Variants in HECW2 observed in about 807,000 individuals in gnomAD.
HECW2 encodes E3 ubiquitin-protein ligase HECW2.
A neutral mutation model predicts 175.2 loss-of-function variants in HECW2; 61 were observed. The ratio of observed to expected loss-of-function variants is 0.35; its 90% CI spans 0.28 to 0.43. HECW2 has a LOEUF of 0.43. Ranked by LOEUF, HECW2 falls within the 20% of genes least tolerant of loss-of-function variation. HECW2 has a pLI of 1.00. For missense variants in HECW2, 1,524 were observed against 2,000.5 expected, an observed-to-expected ratio of 0.76 and a Z score of 4.54; for synonymous variants, 671 against 731.0, an observed-to-expected ratio of 0.92 and a Z score of 1.32.
chr2:196,364,630 T>C (rs1693693959), intron 2 of HECW2, among the ~76,000 whole-genome samples: 2 of 152,202 alleles, frequency 1.3e-5, no homozygotes, highest in African/African-American at 4.8e-5. Flanking sequence ...CAAAACACTC[T>C]TATGTTTTTA....
intron 1 of HECW2, among the ~76,000 whole-genome samples, chr2:196,459,201 G>A (rs1696638632): frequency 6.6e-6 from 1 of 152,210 alleles, no homozygotes; most frequent in Non-Finnish European, 1.5e-5. Flanking sequence ...GATTAGACAG[G>A]GAAGGCATCT....
At chr2:196,468,765 G>A (rs939320398) in intron 1 of HECW2, among the ~76,000 whole-genome samples, 1 of 152,148 alleles carries the variant, frequency 6.6e-6, no homozygotes, top group Admixed American at 6.5e-5. Flanking sequence ...CTGTAAGAAG[G>A]GACTTGGACT....
At chr2:196,549,026 C>G (rs141478256) in intron 1 of HECW2, among the ~76,000 whole-genome samples, 94 of 152,292 alleles carry the variant, frequency 6.2e-4, no homozygotes, top group Non-Finnish European at 1.0e-3. Flanking sequence ...GGCACTTCAA[C>G]ACATGAACTT....
intron 1 of HECW2, among the ~76,000 whole-genome samples, chr2:196,519,312 G>C (rs1438233871): frequency 6.6e-6 from 1 of 152,130 alleles, no homozygotes; most frequent in Non-Finnish European, 1.5e-5. Flanking sequence ...CAGAAGAGCA[G>C]ACATGCAAAG....
chr2:196,523,958 C>G (rs1428824229), intron 1 of HECW2, among the ~76,000 whole-genome samples: 8 of 151,982 alleles, frequency 5.3e-5, no homozygotes, highest in Non-Finnish European at 7.4e-5. Context: ...GTGTCTCTGC[C>G]CGGCTTTGGT....
rs947462437 is a variant in HECW2 at position 196,221,791 on chromosome 2, C to T, written c.4146+420G>A. Among the ~76,000 whole-genome samples the T allele has an allele frequency of 5.3e-5, 8 of 152,284 alleles. No homozygotes were observed. The East Asian group carries it at 5.8e-4, about 11-fold the overall frequency. Reference sequence around the variant, plus strand: ...CCTAGGCTGGTCCTGAACTTCTAGGCTCAACTGATCCTCCTGCCTTGGCCT... The same window carrying T: ...CCTAGGCTGGTCCTGAACTTCTAGGTTCAACTGATCCTCCTGCCTTGGCCT... On this transcript the variant is annotated intron_variant, in intron 24 of 28. Transcript: ENST00000644978.
chr2:196,266,756 T>G (rs1419877764), intron 17 of HECW2, among the ~76,000 whole-genome samples: 1 of 152,208 alleles, frequency 6.6e-6, no homozygotes. Flanking sequence ...TTTAACTTTT[T>G]ATTAACTAAA....
intron 18 of HECW2, among the ~76,000 whole-genome samples, chr2:196,257,326 G>C (rs560448535): frequency 1.3e-5 from 2 of 152,318 alleles, no homozygotes; most frequent in African/African-American, 2.4e-5. Context: ...GGGCTATCAA[G>C]TTGGCAATGA....
rs769315166 is a variant in HECW2 at position 196,319,234 on chromosome 2, G to A, written c.1656C>T (p.Gly552=). ...CAGCACTGGGTTGAGGCTCTGGGCC[G>A]CCTTCACCTTCCTCTGGGGCTGGGC... ...PAGPAPEEGE[G]GPEPQPSADQ... Residue 552 remains glycine (G), a synonymous_variant, in exon 9 of 29, where the codon GGC becomes GGT. Transcript: ENST00000644978. 45 of 1,597,394 alleles carry A rather than the reference G, an allele frequency of 2.8e-5. No individual in the cohort carries two copies. The highest frequency in any genetic ancestry group is 1.1e-4 in the East Asian group (5 of 44,808).
At chr2:196,348,345 G>A (rs560029322) in intron 2 of HECW2, among the ~76,000 whole-genome samples, 1 of 152,158 alleles carries the variant, frequency 6.6e-6, no homozygotes, top group Admixed American at 6.5e-5. Flanking sequence ...CCAACCCAAA[G>A]TAAGAACAAT....
intron 2 of HECW2, among the ~76,000 whole-genome samples, chr2:196,396,772 T>C (rs764360557): frequency 6.6e-6 from 1 of 152,038 alleles, no homozygotes; most frequent in Non-Finnish European, 1.5e-5. Context: ...CAGCAAACTA[T>C]TGTCTTGCAA....
chr2:196,564,100 G>A (rs1233053481), intron 1 of HECW2, among the ~76,000 whole-genome samples: 2 of 152,110 alleles, frequency 1.3e-5, no homozygotes, highest in African/African-American at 4.8e-5. Context: ...GCCTTCTGAT[G>A]GGAAGTAGTA....
chr2:196,421,418 T>C (rs1431930636), intron 2 of HECW2, among the ~76,000 whole-genome samples: 4 of 152,184 alleles, frequency 2.6e-5, no homozygotes, highest in Non-Finnish European at 1.5e-5. Context: ...AGGAAGTTGA[T>C]GTGACAACTG....
intron 1 of HECW2, among the ~76,000 whole-genome samples, chr2:196,464,303 G>C (rs1328287440): frequency 6.6e-6 from 1 of 152,114 alleles, no homozygotes; most frequent in African/African-American, 2.4e-5. Flanking sequence ...CATAGGAGGG[G>C]AAAAAATTTC....
At chr2:196,325,386 C>T (rs1692110688) in intron 5 of HECW2, among the ~76,000 whole-genome samples, 1 of 152,156 alleles carries the variant, frequency 6.6e-6, no homozygotes, top group Non-Finnish European at 1.5e-5. Context: ...TAAGTGAAGA[C>T]AAATGGGTTA....
chr2:196,398,816 T>C (rs570241137), intron 2 of HECW2, among the ~76,000 whole-genome samples: 1 of 152,058 alleles, frequency 6.6e-6, no homozygotes, highest in Non-Finnish European at 1.5e-5. Flanking sequence ...ATAAAATTTT[T>C]AAAAATACTG....
rs546343288 is a variant in HECW2, at chr2:196,491,993, T to A, written c.-35-58535A>T. ...AAAAAGAGAAACAATTTTGTAAAAA[T>A]TTTTTTCAAATAAGTAAGTTATATC... On this transcript the variant is annotated intron_variant, in intron 1 of 28. Coordinates refer to ENST00000644978, the MANE Select transcript of HECW2 (RefSeq NM_001348768.2). Among the ~76,000 whole-genome samples the A allele has an allele frequency of 5.8e-4, 89 of 152,228 alleles. No homozygotes were observed. The East Asian group carries it at 9.1e-3, about 16-fold the overall frequency.
rs563485952 is a variant in HECW2, at chr2:196,353,002, G to C, written c.293-9238C>G. On this transcript the variant is annotated intron_variant, in intron 2 of 28. Transcript: ENST00000644978. Reference sequence around the variant, plus strand: ...AGTGGCTCCCTATTCTTCTCAGAGTGAAATCCAAAGTGTTTATGATGGCTT... The same window carrying C: ...AGTGGCTCCCTATTCTTCTCAGAGTCAAATCCAAAGTGTTTATGATGGCTT... 1.6e-3 allele frequency among the ~76,000 whole-genome samples: 247 copies of C among 152,264 alleles called. 2 individuals carry two copies. The highest frequency in any genetic ancestry group is 5.8e-3 in the African/African-American group (242 of 41,540).
At chr2:196,358,252 T>C (rs1213062565) in intron 2 of HECW2, among the ~76,000 whole-genome samples, 1 of 152,136 alleles carries the variant, frequency 6.6e-6, no homozygotes, top group South Asian at 2.1e-4. Context: ...ACCTGGCATA[T>C]ATCAGGAGCT....
Sources: allele counts gnomAD v4.1 joint callset (sites outside exome capture counted in the v4.1 genomes callset), GRCh38; gene constraint gnomAD v4.1.1; transcripts MANE v1.5; gene names NCBI Gene and HGNC (gene_info 2026-07-23, HGNC 2026-07-21).